Variants in TFEC observed in about 807,000 individuals in gnomAD.
TFEC encodes the protein transcription factor EC.
Under a neutral mutation model 41.6 loss-of-function variants are expected in TFEC, and 31 were observed. That is an observed-to-expected ratio of 0.74 (90% confidence interval 0.56 to 1.01). The LOEUF (loss-of-function observed/expected upper bound fraction) is 1.01, where lower values mean the gene tolerates loss of function less well. TFEC is among the 50% of genes least tolerant of loss of function. The probability of loss-of-function intolerance (pLI) is 0.00; values close to 1 mark genes in which losing one functional copy is unlikely to be tolerated. For missense variants in TFEC, 402 were observed against 404.1 expected (o/e 0.99, Z 0.04); for synonymous variants, 143 against 140.6 (o/e 1.02, Z -0.12).
chr7:115,958,586 C>T (rs541746320), intron 3 of TFEC, among the ~76,000 whole-genome samples: 145 of 151,826 alleles, frequency 9.6e-4, no homozygotes, highest in African/African-American at 3.2e-3. Flanking sequence ...ACAGATATAC[C>T]GCAACAATAA....
intron 1 of TFEC, among the ~76,000 whole-genome samples, chr7:116,119,808 A>G (rs1324029980): frequency 6.6e-6 from 1 of 151,816 alleles, no homozygotes; most frequent in Non-Finnish European, 1.5e-5. Flanking sequence ...AATAAAATTT[A>G]TCATAGTCTT....
Position 115,991,281 on chromosome 7 carries a change from G to A in TFEC, c.-72-6768C>T, listed in dbSNP as rs1794099188. Among the ~76,000 whole-genome samples, 6 of 152,282 alleles carry A rather than the reference G, an allele frequency of 3.9e-5. No individual in the cohort carries two copies. In the South Asian group the frequency reaches 8.3e-4, roughly 21 times the overall value. On this transcript the variant is annotated intron_variant, in intron 1 of 7. Coordinates refer to ENST00000265440, the MANE Select transcript of TFEC (RefSeq NM_012252.4). The stretch of plus-strand genomic sequence containing the variant: ...AGCCACTGCAAGAACATGCCAAATT[G>A]TAAAGACCATCGATGCTAGGAAGAA...
chr7:116,021,063 T>C (rs1477920065), intron 1 of TFEC, among the ~76,000 whole-genome samples: 2 of 152,192 alleles, frequency 1.3e-5, no homozygotes, highest in Admixed American at 1.3e-4. Context: ...TGGTGTTATT[T>C]TTGTCTTGCC....
chr7:116,129,585 A>AT (rs1798287460), intron 1 of TFEC, among the ~76,000 whole-genome samples: 3 of 132,752 alleles, frequency 2.3e-5, no homozygotes, highest in African/African-American at 9.0e-5. Context: ...CAATATTCTT[A>AT]CTTTTTTTTT....
At chr7:115,944,878 T>C (rs1349443858) in intron 6 of TFEC, among the ~76,000 whole-genome samples, 1 of 151,450 alleles carries the variant, frequency 6.6e-6, no homozygotes, top group Non-Finnish European at 1.5e-5. Flanking sequence ...GGCTTTCCTA[T>C]TCTCTTTACA....
intron 1 of TFEC, among the ~76,000 whole-genome samples, chr7:116,126,269 A>G (rs1292004724): frequency 6.6e-6 from 1 of 152,204 alleles, no homozygotes; most frequent in Non-Finnish European, 1.5e-5. Flanking sequence ...TGCACTAAAA[A>G]TGGACAAATC....
At chr7:116,016,007 G>A (rs1416074300) in intron 1 of TFEC, among the ~76,000 whole-genome samples, 1 of 152,144 alleles carries the variant, frequency 6.6e-6, no homozygotes, top group Non-Finnish European at 1.5e-5. Flanking sequence ...AGGACAGAAT[G>A]TTAAGTAAAG....
chr7:116,024,322 A>G (rs908732793), intron 1 of TFEC, among the ~76,000 whole-genome samples: 1 of 152,092 alleles, frequency 6.6e-6, no homozygotes, highest in African/African-American at 2.4e-5. Flanking sequence ...AATGAATGAA[A>G]GAGAACAACA....
intron 3 of TFEC, among the ~76,000 whole-genome samples, chr7:116,098,998 T>A (rs1797541161): frequency 6.6e-6 from 1 of 152,120 alleles, no homozygotes; most frequent in African/African-American, 2.4e-5. Flanking sequence ...GCAAATTGAA[T>A]CTAGCAATGT....
At chr7:115,945,946 C>T (rs1428723886) in intron 6 of TFEC, among the ~76,000 whole-genome samples, 6 of 151,562 alleles carry the variant, frequency 4.0e-5, no homozygotes, top group Non-Finnish European at 5.9e-5. Context: ...TTTTGTATGG[C>T]CTGCAAAGCT....
At chr7:115,945,357 G>A (rs1791474914) in intron 6 of TFEC, among the ~76,000 whole-genome samples, 2 of 151,448 alleles carry the variant, frequency 1.3e-5, no homozygotes, top group African/African-American at 4.8e-5. Flanking sequence ...TCACGTAGAT[G>A]GGTACTCCTT....
rs1160114562 is a variant in TFEC at position 115,944,013 on chromosome 7, ATTTTTTTT to A, written c.516-1981_516-1974del. On this transcript the variant is annotated intron_variant, in intron 6 of 7. Coordinates refer to ENST00000265440, the MANE Select transcript of TFEC (RefSeq NM_012252.4). ...GAAAATAATACTATGACAGGTCTGA[ATTTTTTTT>A]TTTTTTTTTTTTTTTTTTTGCTTCA... Among the ~76,000 whole-genome samples the A allele has an allele frequency of 8.3e-4, 19 of 22,842 alleles. 1 individual carries two copies. Among genetic ancestry groups the A allele is most frequent in the South Asian group, 5.2e-3 (3 of 582 alleles). 15.0% of individuals were successfully genotyped at this position (22,842 alleles called of 152,430 possible).
rs1795168478 is a variant in TFEC at position 116,015,856 on chromosome 7, G to C, written c.-73+14777C>G. Among the ~76,000 whole-genome samples, 4 of 152,182 alleles carry C rather than the reference G, an allele frequency of 2.6e-5. No homozygotes were observed. In the South Asian group the frequency reaches 8.3e-4, roughly 31 times the overall value. ...TTCAGCATTGGGCTTAATGAAATGA[G>C]AGCCTGTGGAACATGTAAGGGGAAG... On this transcript the variant is annotated intron_variant, in intron 1 of 7. Transcript: ENST00000265440.
intron 1 of TFEC, among the ~76,000 whole-genome samples, chr7:115,998,400 A>T (rs1794452129): frequency 6.6e-6 from 1 of 152,122 alleles, no homozygotes; most frequent in African/African-American, 2.4e-5. Flanking sequence ...GAAGACAGAA[A>T]TAAAGGAAAG....
At chr7:116,071,947 C>T (rs1796839538) in intron 3 of TFEC, among the ~76,000 whole-genome samples, 2 of 151,354 alleles carry the variant, frequency 1.3e-5, no homozygotes, top group African/African-American at 2.4e-5. Flanking sequence ...GTGTATTTCT[C>T]AAAACAGAAA....
intron 3 of TFEC, among the ~76,000 whole-genome samples, chr7:116,064,465 A>C (rs1001534833): frequency 1.3e-5 from 2 of 151,878 alleles, no homozygotes; most frequent in African/African-American, 4.8e-5. Context: ...AAGCTGTGGT[A>C]AAGAAAACAA....
chr7:116,008,633 G>T (rs1425363015), intron 1 of TFEC, among the ~76,000 whole-genome samples: 1 of 152,136 alleles, frequency 6.6e-6, no homozygotes, highest in Non-Finnish European at 1.5e-5. Flanking sequence ...CATGACATTT[G>T]TTAATGTTCT....
intron 3 of TFEC, among the ~76,000 whole-genome samples, chr7:115,970,986 T>TA (rs772860787): frequency 2.0e-5 from 3 of 152,070 alleles, no homozygotes; most frequent in Non-Finnish European, 4.4e-5. Flanking sequence ...ACCCATGTCA[T>TA]ATAGTAGGTA....
At chr7:116,005,183 C>T (rs1031851689) in intron 1 of TFEC, among the ~76,000 whole-genome samples, 1 of 152,104 alleles carries the variant, frequency 6.6e-6, no homozygotes, top group Non-Finnish European at 1.5e-5. Flanking sequence ...GAACTGGTAC[C>T]AGTAAAGTGG....
Sources: allele counts gnomAD v4.1 joint callset (sites outside exome capture counted in the v4.1 genomes callset), GRCh38; gene constraint gnomAD v4.1.1; transcripts MANE v1.5; gene names NCBI Gene and HGNC (gene_info 2026-07-23, HGNC 2026-07-21).